The following TULP4 variants were observed in gnomAD, a reference collection of about 807,000 sequenced individuals.
TULP4 encodes TUB like protein 4, also known as tubby-related protein 4.
Under a neutral mutation model 129.0 loss-of-function variants are expected in TULP4, and 16 were observed. The observed-to-expected ratio is 0.12, with a 90% CI of 0.08 to 0.19. TULP4 has a LOEUF of 0.19. TULP4 is among the 10% of genes least tolerant of loss of function. TULP4 has a pLI of 1.00. For synonymous variants in TULP4, 998 were observed against 854.0 expected (o/e 1.17, Z -2.94); for missense variants, 1,842 against 2,059.1 (o/e 0.89, Z 2.04).
rs974728470 is a variant in TULP4, at chr6:158,312,739, T to A, written c.-1278T>A. ...GTAAAATAGCAATTGAAACCAATAATTATTAAATAAATATCAAGGAAAATC... is the reference window on the plus strand; with the variant it reads ...GTAAAATAGCAATTGAAACCAATAAATATTAAATAAATATCAAGGAAAATC... On this transcript the variant is annotated 5_prime_UTR_variant, in exon 1 of 14. Transcript: ENST00000367097. 6.6e-6 allele frequency: 1 copy of A among 152,220 alleles called. No homozygotes were observed. The highest frequency in any genetic ancestry group is 2.4e-5 in the African/African-American group (1 of 41,464). 9.4% of individuals were successfully genotyped at this position (152,220 alleles called of 1,614,324 possible).
At chr6:158,294,318 G>A (rs1042774338) in intron 1 of TULP4, among the ~76,000 whole-genome samples, 4 of 151,170 alleles carry the variant, frequency 2.6e-5, no homozygotes, top group Non-Finnish European at 4.4e-5. Context: ...AGCCGAGACC[G>A]TGCCACTGCA....
intron 10 of TULP4, among the ~76,000 whole-genome samples, chr6:158,494,511 A>T (rs1392410598): frequency 6.6e-6 from 1 of 152,152 alleles, no homozygotes; most frequent in Non-Finnish European, 1.5e-5. Flanking sequence ...ACACCTGTGG[A>T]CATACATACT....
At chr6:158,405,181 A>G (rs1165958131) in intron 1 of TULP4, among the ~76,000 whole-genome samples, 1 of 152,256 alleles carries the variant, frequency 6.6e-6, no homozygotes, top group Admixed American at 6.5e-5. Context: ...CTAACAAGAT[A>G]GTTTTTTCAG....
At chr6:158,292,877 CTGTGTACCCTG>C (rs1168179788) in intron 1 of TULP4, among the ~76,000 whole-genome samples, 2 of 152,180 alleles carry the variant, frequency 1.3e-5, no homozygotes, top group Non-Finnish European at 2.9e-5. Context: ...TCTCTCATTT[CTGTGTACCCTG>C]TGTGACATGT....
In TULP4 at chr6:158,489,576, GT is replaced by G. The variant is rs749099135; in HGVS notation, c.1487-11del. The G allele has an allele frequency of 2.9e-5, 47 of 1,613,918 alleles. No individual in the cohort carries two copies. Among genetic ancestry groups the G allele is most frequent in the Non-Finnish European group, 3.7e-5 (44 of 1,180,022 alleles). ...AACTTCCCTTGAAATCTGCTGGTTG[GT>G]GTTTTACCAGATGAAATCTATGGGA... On this transcript the variant is annotated splice_polypyrimidine_tract_variant and intron_variant, in intron 8 of 13. Transcript: ENST00000367097.
chr6:158,401,525 ATGT>A (rs1256837811), intron 1 of TULP4, among the ~76,000 whole-genome samples: 12 of 151,812 alleles, frequency 7.9e-5, no homozygotes, highest in African/African-American at 2.9e-4. Context: ...TAAAATGTGA[ATGT>A]TAGACAATAG....
At chr6:158,389,240 A>G (rs1161981125) in intron 1 of TULP4, among the ~76,000 whole-genome samples, 1 of 152,230 alleles carries the variant, frequency 6.6e-6, no homozygotes, top group African/African-American at 2.4e-5. Flanking sequence ...GCTTAAGCTC[A>G]GGAGTTTGAG....
intron 3 of TULP4, among the ~76,000 whole-genome samples, chr6:158,440,291 C>T (rs1778858359): frequency 7.5e-6 from 1 of 132,954 alleles, no homozygotes; most frequent in Non-Finnish European, 1.5e-5. Context: ...GCACTCCAGC[C>T]TGGATGACAG....
chr6:158,471,661 G>A (rs571261865), intron 6 of TULP4, among the ~76,000 whole-genome samples: 80 of 152,182 alleles, frequency 5.3e-4, no homozygotes, highest in Non-Finnish European at 9.7e-4. Flanking sequence ...ATGAGGCCAG[G>A]GCATTGGCAA....
intron 1 of TULP4, among the ~76,000 whole-genome samples, chr6:158,322,785 C>A (rs1358344586): frequency 6.6e-6 from 1 of 152,176 alleles, no homozygotes; most frequent in African/African-American, 2.4e-5. Flanking sequence ...CCAGCTTATA[C>A]CTCATGGAAT....
At chr6:158,306,984 G>A (rs1004147824) in intron 1 of TULP4, among the ~76,000 whole-genome samples, 1 of 152,046 alleles carries the variant, frequency 6.6e-6, no homozygotes, top group African/African-American at 2.4e-5. Context: ...TCACACCACT[G>A]TACTCCAGCC....
At chr6:158,485,715 G>A (rs188685063) in intron 8 of TULP4, among the ~76,000 whole-genome samples, 14 of 152,340 alleles carry the variant, frequency 9.2e-5, no homozygotes, top group African/African-American at 3.4e-4. Context: ...TGACACCCCA[G>A]TAGGCCTGGA....
At chr6:158,384,319 G>T (rs528914213) in intron 1 of TULP4, among the ~76,000 whole-genome samples, 1 of 138,652 alleles carries the variant, frequency 7.2e-6, no homozygotes, top group African/African-American at 2.7e-5. Flanking sequence ...ACAGAGTCTC[G>T]CTCTGTGACC....
At chr6:158,350,200 A>G (rs898371572) in intron 1 of TULP4, among the ~76,000 whole-genome samples, 1 of 150,602 alleles carries the variant, frequency 6.6e-6, no homozygotes, top group Admixed American at 6.6e-5. Flanking sequence ...CTCACTTCCT[A>G]GACAGGGTGG....
intron 1 of TULP4, among the ~76,000 whole-genome samples, chr6:158,300,936 C>A (rs1231999446): frequency 6.6e-6 from 1 of 152,174 alleles, no homozygotes; most frequent in Non-Finnish European, 1.5e-5. Context: ...GATTATGGAA[C>A]TCCTGAGCTT....
At chr6:158,239,660 C>T (rs1205042581) in intron 1 of TULP4, among the ~76,000 whole-genome samples, 41 of 67,498 alleles carry the variant, frequency 6.1e-4, no homozygotes, top group Admixed American at 1.3e-3. Flanking sequence ...ACCTCCCTCC[C>T]GGACCGGGCG....
chr6:158,357,213 C>T (rs1021966042), intron 1 of TULP4, among the ~76,000 whole-genome samples: 9 of 152,158 alleles, frequency 5.9e-5, no homozygotes, highest in South Asian at 2.1e-4. Flanking sequence ...TGTGACTCTT[C>T]GAGTCAAGGT....
intron 2 of TULP4, among the ~76,000 whole-genome samples, chr6:158,425,037 G>T (rs1289383285): frequency 1.3e-5 from 2 of 150,696 alleles, no homozygotes; most frequent in East Asian, 3.9e-4. Flanking sequence ...GCCTGTATTC[G>T]CAGCTACTCG....
At chr6:158,334,367 G>A (rs1779984328) in intron 1 of TULP4, among the ~76,000 whole-genome samples, 1 of 152,208 alleles carries the variant, frequency 6.6e-6, no homozygotes, top group Non-Finnish European at 1.5e-5. Context: ...GATAAATACA[G>A]TACAGTACGG....
Sources: gnomAD v4.1 joint callset for allele counts (sites outside exome capture counted in the v4.1 genomes callset) on GRCh38, gnomAD v4.1.1 for gene constraint, MANE v1.5 for transcripts, NCBI Gene and HGNC (gene_info 2026-07-23, HGNC 2026-07-21) for gene names.